Variants in SAMSN1 observed in about 807,000 individuals in gnomAD.
SAMSN1 encodes the protein SAM domain, SH3 domain and nuclear localization signals 1, also known as SAM domain-containing protein SAMSN-1.
A neutral mutation model predicts 42.0 loss-of-function variants in SAMSN1; 31 were observed. The ratio of observed to expected loss-of-function variants is 0.74; its 90% CI spans 0.55 to 1.00. SAMSN1 has a LOEUF of 1.00. Among genes scored for constraint, SAMSN1 ranks in the 50% least tolerant of loss-of-function variants. The probability of loss-of-function intolerance (pLI) is 0.00; values close to 1 mark genes in which losing one functional copy is unlikely to be tolerated. For missense variants in SAMSN1, 464 were observed against 439.4 expected (o/e 1.06, Z -0.50); for synonymous variants, 178 against 151.9 (o/e 1.17, Z -1.26).
intron 2 of SAMSN1, among the ~76,000 whole-genome samples, chr21:14,625,904 C>G (rs1034530602): frequency 1.3e-5 from 2 of 152,194 alleles, no homozygotes; most frequent in African/African-American, 4.8e-5. Context: ...GTAACCAAAA[C>G]AGCATGGTAC....
At chr21:14,492,996 G>A (rs979896462) in intron 7 of SAMSN1, among the ~76,000 whole-genome samples, 1 of 152,150 alleles carries the variant, frequency 6.6e-6, no homozygotes, top group South Asian at 2.1e-4. Context: ...AGGCTATGCT[G>A]GCACACTGTT....
At chr21:14,657,837 G>C (rs1003561027) in intron 1 of SAMSN1, among the ~76,000 whole-genome samples, 1 of 151,756 alleles carries the variant, frequency 6.6e-6, no homozygotes, top group Admixed American at 6.6e-5. Flanking sequence ...GATGCTCTAA[G>C]ATTAAACCCC....
At chr21:14,658,954 C>T, upstream of SAMSN1, 1 of 580,374 alleles carries the variant, frequency 1.7e-6, no homozygotes, top group Non-Finnish European at 3.1e-6. Flanking sequence ...GTTGAACAAA[C>T]AATTTCCTAA....
At chr21:14,499,623 A>C (rs1987058799) in intron 6 of SAMSN1, among the ~76,000 whole-genome samples, 2 of 152,112 alleles carry the variant, frequency 1.3e-5, no homozygotes, top group African/African-American at 4.8e-5. Flanking sequence ...TTAACTGTGC[A>C]TTCTTGGGGA....
intron 2 of SAMSN1, among the ~76,000 whole-genome samples, chr21:14,564,294 C>T (rs1050812059): frequency 1.3e-5 from 2 of 152,070 alleles, no homozygotes; most frequent in African/African-American, 4.8e-5. Context: ...CAGTCTCATT[C>T]ATTATTAAAG....
chr21:14,531,246 T>G (rs761696031), intron 1 of SAMSN1, among the ~76,000 whole-genome samples: 4 of 152,152 alleles, frequency 2.6e-5, no homozygotes, highest in Non-Finnish European at 5.9e-5. Flanking sequence ...AAATTTATTC[T>G]GGTTTTTGTA....
chr21:14,566,831 C>T (rs1981134878), intron 2 of SAMSN1, among the ~76,000 whole-genome samples: 1 of 152,260 alleles, frequency 6.6e-6, no homozygotes, highest in African/African-American at 2.4e-5. Context: ...AGCCACTGCA[C>T]CTGGCCTTTC....
rs775727297 is a variant in SAMSN1, at chr21:14,521,212, T to G, written c.67A>C (p.Ser23Arg). 1.2e-6 allele frequency: 2 copies of G among 1,610,528 alleles called. No homozygotes were observed. Among genetic ancestry groups the G allele is most frequent in the Non-Finnish European group, 8.5e-7 (1 of 1,177,824 alleles). The change falls in exon 2 of 8, where the codon AGT (serine) becomes CGT (arginine). Residue 23 changes from serine (S) to arginine (R), a missense_variant. By Grantham distance (110) the Ser-to-Arg change is moderately radical. Transcript: ENST00000400566. Reference sequence around the variant, plus strand: ...CGAAAACGATCGAAATTCCCAAAACTGCTGCTTCGCTATAAAATAGAAAAG... The same window carrying G: ...CGAAAACGATCGAAATTCCCAAAACGGCTGCTTCGCTATAAAATAGAAAAG... Reference protein sequence around the residue: ...EKHQKPKRSSSFGNFDRFRNN... With the variant: ...EKHQKPKRSSRFGNFDRFRNN...
chr21:14,632,018 G>A (rs1315494429), intron 2 of SAMSN1, among the ~76,000 whole-genome samples: 1 of 152,158 alleles, frequency 6.6e-6, no homozygotes, highest in African/African-American at 2.4e-5. Context: ...AATAAGATAT[G>A]CTGTTTAGGT....
chr21:14,485,450 T>C lies in SAMSN1; in HGVS notation c.*462A>G, dbSNP rs1330269893. On this transcript the variant is annotated 3_prime_UTR_variant, in exon 8 of 8. Transcript: ENST00000400566. ...GTGGATCAGGATAAAATGTGTCCAATATTAACTCACACTTTCCCAATAAGT... is the reference window on the plus strand; with the variant it reads ...GTGGATCAGGATAAAATGTGTCCAACATTAACTCACACTTTCCCAATAAGT... 1.3e-5 allele frequency: 2 copies of C among 154,460 alleles called. No homozygotes were observed. The highest frequency in any genetic ancestry group is 4.8e-5 in the African/African-American group (2 of 41,450). The allele number at this position is 154,460 out of a possible 1,614,324, so 9.6% of individuals were successfully genotyped here.
chr21:14,626,264 C>A (rs1014452280), intron 2 of SAMSN1, among the ~76,000 whole-genome samples: 30 of 152,202 alleles, frequency 2.0e-4, no homozygotes, highest in African/African-American at 7.2e-4. Flanking sequence ...GCAACAAAAG[C>A]CAAAATTGAC....
chr21:14,509,048 G>A (rs1227204999), intron 5 of SAMSN1, among the ~76,000 whole-genome samples: 12 of 152,008 alleles, frequency 7.9e-5, no homozygotes, highest in South Asian at 4.2e-4. Context: ...CCCAGGAGGC[G>A]GAGGTTTCAG....
chr21:14,485,626 C>A lies in SAMSN1; in HGVS notation c.*286G>T. 1 of 227,366 alleles carries A rather than the reference C, an allele frequency of 4.4e-6. No homozygotes were observed. Among genetic ancestry groups the A allele is most frequent in the Non-Finnish European group, 8.6e-6 (1 of 115,862 alleles). 14.1% of individuals were successfully genotyped at this position (227,366 alleles called of 1,614,324 possible). A position where few individuals can be genotyped will look rare whatever the true frequency, so the allele number is the denominator to read the frequency against. ...AGATACTGTACTTGTAAAATAAAGC[C>A]AAATAAAGCATATGTCACACATACC... On this transcript the variant is annotated 3_prime_UTR_variant, in exon 8 of 8. Transcript: ENST00000400566.
In SAMSN1 at chr21:14,492,814, A is replaced by G. The variant is rs567690731; in HGVS notation, c.919+5628T>C. 3.3e-5 allele frequency among the ~76,000 whole-genome samples: 5 copies of G among 152,370 alleles called. No homozygotes were observed. In the East Asian group the frequency reaches 9.6e-4, roughly 29 times the overall value. ...AAATTAAATTGCATGAGGGCAAACA[A>G]CTATGACTATAGATATTAAATACAT... On this transcript the variant is annotated intron_variant, in intron 7 of 7. Transcript: ENST00000400566.
chr21:14,652,508 C>T (rs1983852363), intron 1 of SAMSN1, among the ~76,000 whole-genome samples: 1 of 151,928 alleles, frequency 6.6e-6, no homozygotes, highest in Non-Finnish European at 1.5e-5. Flanking sequence ...TGAAATTAGG[C>T]CCCCATCTAT....
intron 2 of SAMSN1, among the ~76,000 whole-genome samples, chr21:14,564,872 G>A (rs1387846485): frequency 2.0e-5 from 3 of 152,100 alleles, no homozygotes; most frequent in Admixed American, 6.5e-5. Context: ...CACTCAGCAG[G>A]AAAAGTTATA....
chr21:14,576,168 G>A (rs1003822117), intron 2 of SAMSN1, among the ~76,000 whole-genome samples: 3 of 152,142 alleles, frequency 2.0e-5, no homozygotes, highest in Admixed American at 1.3e-4. Flanking sequence ...TGGGGGAGGC[G>A]TTTAAAGGTT....
chr21:14,643,117 C>T (rs938012024), exon 2 of SAMSN1: 2 of 717,144 alleles, frequency 2.8e-6, no homozygotes, highest in African/African-American at 3.5e-5. Flanking sequence ...CTCATATAAG[C>T]TATCCATAGA....
At chr21:14,510,258 A>C (rs1190350927) in intron 5 of SAMSN1, 52 bp downstream of exon 5, 17 of 1,556,460 alleles carry the variant, frequency 1.1e-5, no homozygotes, top group Non-Finnish European at 1.5e-5. Context: ...AACAGATCAT[A>C]TAATCAGCAT....
Sources: allele counts gnomAD v4.1 joint callset (sites outside exome capture counted in the v4.1 genomes callset), GRCh38; gene constraint gnomAD v4.1.1; transcripts MANE v1.5; gene names NCBI Gene and HGNC (gene_info 2026-07-23, HGNC 2026-07-21).